GRID2: variants seen among roughly 807,000 people sequenced by gnomAD.
The protein encoded by GRID2 is glutamate ionotropic receptor delta type subunit 2.
Under a neutral mutation model 114.8 loss-of-function variants are expected in GRID2, and 33 were observed. That is an observed-to-expected ratio of 0.29 (90% CI 0.22 to 0.38). The LOEUF (loss-of-function observed/expected upper bound fraction) is 0.38, where lower values mean the gene tolerates loss of function less well. GRID2 is among the 10% of genes least tolerant of loss of function. The pLI, the probability that GRID2 is intolerant of heterozygous loss-of-function variation, is 1.00. For synonymous variants in GRID2, 505 were observed against 449.9 expected, an observed-to-expected ratio of 1.12 and a Z score of -1.55; for missense variants, 1,184 against 1,257.7, an observed-to-expected ratio of 0.94 and a Z score of 0.89.
At chr4:93,492,405 T>C (rs892357046) in intron 12 of GRID2, among the ~76,000 whole-genome samples, 4 of 151,884 alleles carry the variant, frequency 2.6e-5, no homozygotes, top group African/African-American at 9.7e-5. Flanking sequence ...ATCTTAAATC[T>C]GGTTCCTGAG....
intron 2 of GRID2, among the ~76,000 whole-genome samples, chr4:92,901,725 T>G (rs1747596019): frequency 6.6e-6 from 1 of 152,106 alleles, no homozygotes; most frequent in African/African-American, 2.4e-5. Context: ...TTGATCATGG[T>G]GTATTTTATT....
intron 2 of GRID2, among the ~76,000 whole-genome samples, chr4:92,739,108 T>C (rs936904718): frequency 6.6e-6 from 1 of 152,222 alleles, no homozygotes; most frequent in Non-Finnish European, 1.5e-5. Flanking sequence ...AGACTATTTA[T>C]AGTCAGTATC....
chr4:92,587,098 CTGTG>C (rs70942914), intron 1 of GRID2, among the ~76,000 whole-genome samples: 33,128 of 133,492 alleles, frequency 0.25, 3,936 homozygotes, highest in Middle Eastern at 0.36. Context: ...TGATGAAATG[CTGTG>C]TGTGTGTGTG....
chr4:92,719,756 C>T (rs908879970), intron 2 of GRID2, among the ~76,000 whole-genome samples: 6 of 151,794 alleles, frequency 4.0e-5, no homozygotes, highest in East Asian at 1.9e-4. Context: ...GAAAAGATGA[C>T]GAAGTAAAAT....
At chr4:93,208,468 C>T (rs904254185) in intron 5 of GRID2, among the ~76,000 whole-genome samples, 4 of 151,836 alleles carry the variant, frequency 2.6e-5, no homozygotes, top group African/African-American at 9.7e-5. Context: ...AATGGTACTG[C>T]GATAATGATC....
chr4:93,327,804 G>T (rs1463796510), intron 8 of GRID2, among the ~76,000 whole-genome samples: 1 of 151,932 alleles, frequency 6.6e-6, no homozygotes, highest in Non-Finnish European at 1.5e-5. Flanking sequence ...TTCTGGTGGT[G>T]GTAGATATGC....
chr4:93,400,600 AT>A (rs1765783608), intron 9 of GRID2, among the ~76,000 whole-genome samples: 5 of 152,124 alleles, frequency 3.3e-5, no homozygotes, highest in African/African-American at 1.2e-4. Flanking sequence ...AATATATATG[AT>A]AATAAAATGG....
At chr4:92,750,074 C>T (rs550221803) in intron 2 of GRID2, among the ~76,000 whole-genome samples, 1 of 152,196 alleles carries the variant, frequency 6.6e-6, no homozygotes, top group Non-Finnish European at 1.5e-5. Context: ...TTGCTCAGAC[C>T]GGTCTTGAAC....
chr4:93,331,110 T>G (rs1758377869), intron 8 of GRID2, among the ~76,000 whole-genome samples: 1 of 151,430 alleles, frequency 6.6e-6, no homozygotes, highest in Non-Finnish European at 1.5e-5. Context: ...ACAGCCTCAG[T>G]GCCTGCTGCT....
At chr4:92,628,302 A>G (rs958031793) in intron 2 of GRID2, among the ~76,000 whole-genome samples, 7 of 152,048 alleles carry the variant, frequency 4.6e-5, no homozygotes, top group Admixed American at 3.3e-4. Context: ...AGGGAAAAAG[A>G]TGACAGCAGT....
chr4:93,241,779 T>G (rs1026003405), intron 8 of GRID2, among the ~76,000 whole-genome samples: 9 of 151,128 alleles, frequency 6.0e-5, no homozygotes, highest in African/African-American at 2.2e-4. Context: ...ATGCCATATG[T>G]TTAAATAGCA....
chr4:93,425,932 T>A (rs2149372983), intron 10 of GRID2, among the ~76,000 whole-genome samples: 1 of 152,308 alleles, frequency 6.6e-6, no homozygotes, highest in East Asian at 1.9e-4. Context: ...CTATATATTT[T>A]TTTCAATTTG....
chr4:93,073,921 A>T (rs1729035755), intron 2 of GRID2, among the ~76,000 whole-genome samples: 1 of 152,234 alleles, frequency 6.6e-6, no homozygotes, highest in Non-Finnish European at 1.5e-5. Context: ...AGGCTGGACC[A>T]GGTCCGCGAT....
chr4:93,352,410 G>A (rs997284945), intron 8 of GRID2, among the ~76,000 whole-genome samples: 16 of 151,928 alleles, frequency 1.1e-4, no homozygotes, highest in African/African-American at 3.6e-4. Flanking sequence ...AAAAGAAGCA[G>A]TACACAGAGT....
At chr4:92,610,028 G>A (rs1180490410) in intron 2 of GRID2, among the ~76,000 whole-genome samples, 1 of 151,622 alleles carries the variant, frequency 6.6e-6, no homozygotes, top group African/African-American at 2.4e-5. Flanking sequence ...CTCTTCTACA[G>A]TAGCAGAGTT....
intron 13 of GRID2, among the ~76,000 whole-genome samples, chr4:93,562,100 A>G (rs1163553334): frequency 2.0e-5 from 3 of 152,072 alleles, no homozygotes; most frequent in Non-Finnish European, 2.9e-5. Context: ...ACACCACCAA[A>G]CTGTCTTCCA....
At chr4:92,951,969 A>C (rs1752073992) in intron 2 of GRID2, among the ~76,000 whole-genome samples, 1 of 152,202 alleles carries the variant, frequency 6.6e-6, no homozygotes, top group African/African-American at 2.4e-5. Flanking sequence ...TTGATAGATA[A>C]GGCTTTCCTA....
At chr4:92,777,991 T>C (rs551098894) in intron 2 of GRID2, among the ~76,000 whole-genome samples, 125 of 152,234 alleles carry the variant, frequency 8.2e-4, no homozygotes, top group African/African-American at 2.8e-3. Flanking sequence ...GAGTAACTAA[T>C]CAGTTTCCTT....
chr4:92,383,589 TA>T (rs1729722399), intron 1 of GRID2, among the ~76,000 whole-genome samples: 2 of 152,016 alleles, frequency 1.3e-5, no homozygotes, highest in South Asian at 4.1e-4. Context: ...CCCAGTATTC[TA>T]AATAACATAG....
Sources: allele counts gnomAD v4.1 joint callset (sites outside exome capture counted in the v4.1 genomes callset), GRCh38; gene constraint gnomAD v4.1.1; transcripts MANE v1.5; gene names NCBI Gene and HGNC (gene_info 2026-07-23, HGNC 2026-07-21).